Variants in OTOGL observed in about 807,000 individuals in gnomAD.
OTOGL encodes the protein otogelin like.
A neutral mutation model predicts 318.5 loss-of-function variants in OTOGL; 285 were observed. That is an observed-to-expected ratio of 0.89 (90% CI 0.81 to 0.99). OTOGL has a LOEUF of 0.99. Among genes scored for constraint, OTOGL ranks in the 50% least tolerant of loss-of-function variants. The pLI is 0.00. For missense variants in OTOGL, 2,899 were observed against 2,845.6 expected (o/e 1.02, Z -0.43); for synonymous variants, 987 against 936.5 (o/e 1.05, Z -0.99).
intron 11 of OTOGL, among the ~76,000 whole-genome samples, chr12:80,242,459 C>T (rs1253817371): frequency 6.6e-6 from 1 of 152,098 alleles, no homozygotes; most frequent in Non-Finnish European, 1.5e-5. Context: ...GCCAGCCTTT[C>T]ACTCCCCTCA....
chr12:80,207,638 A>G (rs1432920238), intron 1 of OTOGL, among the ~76,000 whole-genome samples: 2 of 152,204 alleles, frequency 1.3e-5, no homozygotes, highest in African/African-American at 4.8e-5. Flanking sequence ...AGGCAAGAGA[A>G]ACTATTGTAA....
intron 7 of OTOGL, among the ~76,000 whole-genome samples, chr12:80,225,273 C>T (rs1406141580): frequency 6.6e-6 from 1 of 152,004 alleles, no homozygotes; most frequent in Non-Finnish European, 1.5e-5. Context: ...CTTGAATACC[C>T]TTTGACCTTC....
At chr12:80,270,572 C>T (rs1315803959) in intron 23 of OTOGL, among the ~76,000 whole-genome samples, 1 of 152,122 alleles carries the variant, frequency 6.6e-6, no homozygotes, top group Non-Finnish European at 1.5e-5. Context: ...AATGCAGATT[C>T]TGATTCATTA....
Position 80,306,784 on chromosome 12 carries a change from T to TAA in OTOGL, c.3333+1091_3333+1092dup, listed in dbSNP as rs796182806. On this transcript the variant is annotated intron_variant, in intron 29 of 58. Transcript: ENST00000547103. Reference sequence around the variant, plus strand: ...GAAGTAACTATTTCTTTTTTTTTTTTAAATTTTATTTTATTATTATTATTA... The same window carrying TAA: ...GAAGTAACTATTTCTTTTTTTTTTTTAAAAATTTTATTTTATTATTATTATTA... Among the ~76,000 whole-genome samples, 1,032 of 121,894 alleles carry TAA rather than the reference T, an allele frequency of 8.5e-3. 15 individuals are homozygous for TAA. Among genetic ancestry groups the TAA allele is most frequent in the African/African-American group, 0.027 (966 of 35,902 alleles). 80.0% of individuals were successfully genotyped at this position (121,894 alleles called of 152,430 possible). A position where few individuals can be genotyped will look rare whatever the true frequency, so the allele number is the denominator to read the frequency against.
chr12:80,103,880 A>G, intron 1 of OTOGL, among the ~76,000 whole-genome samples: 1 of 152,244 alleles, frequency 6.6e-6, no homozygotes, highest in South Asian at 2.1e-4. Context: ...CTGAGAACTG[A>G]TAACTTTTGC....
chr12:80,266,369 T>G, intron 20 of OTOGL, 82 bp from the exon 21 acceptor site: 1 of 1,410,926 alleles, frequency 7.1e-7, no homozygotes, highest in South Asian at 1.4e-5. Flanking sequence ...GCTTTCATTT[T>G]CTATCATAGA....
intron 1 of OTOGL, among the ~76,000 whole-genome samples, chr12:80,148,548 C>T (rs924796958): frequency 2.0e-4 from 30 of 150,902 alleles, no homozygotes; most frequent in Non-Finnish European, 3.5e-4. Flanking sequence ...TTGCTCTTCT[C>T]GAGGAGTATC....
chr12:80,277,428 TA>T (rs1286238186), intron 24 of OTOGL, among the ~76,000 whole-genome samples: 1 of 147,264 alleles, frequency 6.8e-6, no homozygotes, highest in Non-Finnish European at 1.5e-5. Flanking sequence ...AATTAATTCT[TA>T]CCCGAGATTA....
At chr12:80,198,721 C>T (rs1876255378) in intron 1 of OTOGL, among the ~76,000 whole-genome samples, 1 of 152,222 alleles carries the variant, frequency 6.6e-6, no homozygotes, top group Admixed American at 6.5e-5. Flanking sequence ...TCACCATCAA[C>T]TTAATTAGTT....
intron 56 of OTOGL, among the ~76,000 whole-genome samples, chr12:80,371,205 A>G (rs1292924606): frequency 6.6e-6 from 1 of 152,152 alleles, no homozygotes; most frequent in Non-Finnish European, 1.5e-5. Flanking sequence ...GTTTACTGGA[A>G]AAGTAGATTT....
At chr12:80,180,061 A>G (rs1389156463) in intron 1 of OTOGL, among the ~76,000 whole-genome samples, 1 of 152,220 alleles carries the variant, frequency 6.6e-6, no homozygotes, top group Non-Finnish European at 1.5e-5. Context: ...AAGTGCTATT[A>G]CTATTTTAGT....
In OTOGL at chr12:80,356,827, C is replaced by A. The variant is rs1889934669; in HGVS notation, c.5932C>A (p.Pro1978Thr). 6.3e-7 allele frequency: 1 copy of A among 1,589,380 alleles called. No individual in the cohort carries two copies. Among genetic ancestry groups the A allele is most frequent in the East Asian group, 2.3e-5 (1 of 43,536 alleles). ...YKCECDPLKC[P>T]SISTPECRED... is the part of the protein sequence containing the mutation. ...TGCAGAATGTGACCCATTGAAATGCCCCAGTATTTCAACACCAGAATGCAG... is the reference window on the plus strand; with the variant it reads ...TGCAGAATGTGACCCATTGAAATGCACCAGTATTTCAACACCAGAATGCAG... Residue 1978 changes from proline to threonine, a missense_variant, in exon 49 of 59, where the codon CCC (proline) becomes ACC (threonine). Pro to Thr is a conservative substitution (Grantham distance 38). This residue lies in a region of OTOGL where 2,607 missense variants were observed against 2,524.9 expected (regional missense o/e 1.03). Coordinates refer to ENST00000547103, the MANE Select transcript of OTOGL (RefSeq NM_001378609.3).
chr12:80,295,217 G>A (rs1885308922), intron 26 of OTOGL, among the ~76,000 whole-genome samples: 1 of 131,096 alleles, frequency 7.6e-6, no homozygotes, highest in Non-Finnish European at 1.5e-5. Flanking sequence ...CACCCAGACT[G>A]GAGTGCTGGA....
chr12:80,261,906 T>C (rs1882558041), intron 18 of OTOGL, 63 bp from the exon 19 acceptor site: 2 of 1,536,992 alleles, frequency 1.3e-6, no homozygotes, highest in Admixed American at 1.8e-5. Flanking sequence ...TATTTAAATA[T>C]CTGAAGGTTA....
chr12:80,138,967 T>G (rs1396746447), intron 1 of OTOGL, among the ~76,000 whole-genome samples: 3 of 152,166 alleles, frequency 2.0e-5, no homozygotes, highest in Non-Finnish European at 2.9e-5. Context: ...TCCAACTACC[T>G]TTTACTGTGT....
rs35397172 is a variant in OTOGL, at chr12:80,358,753, A to G, written c.6204A>G (p.Gln2068=). The G allele has an allele frequency of 7.2e-4, 1,154 of 1,610,840 alleles. 17 individuals carry two copies. The African/African-American group carries it at 0.013, about 18-fold the overall frequency. The change falls in exon 51 of 59, where the codon CAA becomes CAG. Residue 2068 remains glutamine, a synonymous_variant. Coordinates refer to ENST00000547103, the MANE Select transcript of OTOGL (RefSeq NM_001378609.3). ...TTGTGAAAGAAAATGTATCTGGTCA[A>G]TGTTGCCCAACATGGCACTGTGGTA... ...MNLVKENVSG[Q]CCPTWHCECN...
intron 30 of OTOGL, 26 bp from the exon 31 acceptor site, chr12:80,313,450 A>C: frequency 6.4e-7 from 1 of 1,573,652 alleles, no homozygotes; most frequent in Non-Finnish European, 8.7e-7. Flanking sequence ...TATTGAAATT[A>C]AGTAATCTTT....
chr12:80,283,197 C>G (rs1245128047), intron 26 of OTOGL, among the ~76,000 whole-genome samples: 1 of 151,864 alleles, frequency 6.6e-6, no homozygotes, highest in Admixed American at 6.6e-5. Flanking sequence ...CAATAATATA[C>G]TATTTCTTTC....
chr12:80,166,892 A>G (rs908368306), intron 1 of OTOGL, among the ~76,000 whole-genome samples: 2 of 152,154 alleles, frequency 1.3e-5, no homozygotes, highest in Non-Finnish European at 2.9e-5. Context: ...GCAGAAAAAA[A>G]TGCTGTGCTC....
Sources: allele counts gnomAD v4.1 joint callset (sites outside exome capture counted in the v4.1 genomes callset), GRCh38; gene constraint gnomAD v4.1.1; regional missense constraint gnomAD v4.1.1; transcripts MANE v1.5; gene names NCBI Gene and HGNC (gene_info 2026-07-23, HGNC 2026-07-21).